GCNT1: variants seen among roughly 807,000 people sequenced by gnomAD.
GCNT1 encodes beta-1,3-galactosyl-O-glycosyl-glycoprotein beta-1,6-N-acetylglucosaminyltransferase.
In GCNT1, 16 loss-of-function variants were observed where a neutral mutation model predicts 26.2. The observed-to-expected ratio is 0.61, with a 90% CI of 0.41 to 0.93. GCNT1 has a LOEUF of 0.93. GCNT1 is among the 40% of genes least tolerant of loss of function. The pLI is 0.00. For missense variants in GCNT1, 477 were observed against 526.7 expected (o/e 0.91, Z 0.92); for synonymous variants, 183 against 190.8 (o/e 0.96, Z 0.34).
chr9:76,419,463 G>A (rs1362320189), upstream of GCNT1, among the ~76,000 whole-genome samples: 2 of 152,064 alleles, frequency 1.3e-5, no homozygotes, highest in African/African-American at 4.8e-5. Flanking sequence ...TGACCCCAGG[G>A]GTTCAAGACC....
upstream of GCNT1, chr9:76,459,070 C>G (rs1587422746): frequency 6.6e-6 from 1 of 152,306 alleles, no homozygotes; most frequent in East Asian, 1.9e-4. Flanking sequence ...AGGCGGGAAC[C>G]GCGAGTCCGC....
chr9:76,426,693 T>C (rs11788095), intron 1 of GCNT1, among the ~76,000 whole-genome samples: 117,511 of 152,092 alleles, frequency 0.77, 46,130 homozygotes, highest in Middle Eastern at 0.86. Context: ...GTCAGGAGTT[T>C]GAGACCAGCC....
chr9:76,503,287 T>A lies in GCNT1; in HGVS notation c.906T>A (p.Asn302Lys). 1 of 1,614,096 alleles carries A rather than the reference T, an allele frequency of 6.2e-7. No homozygotes were observed. Among genetic ancestry groups the A allele is most frequent in the Non-Finnish European group, 8.5e-7 (1 of 1,180,018 alleles). Residue 302 changes from asparagine (N) to lysine (K), a missense_variant, in exon 4 of 4, where the codon AAT becomes AAA. Asn to Lys is a moderately conservative substitution (Grantham distance 94, BLOSUM62 0). Coordinates refer to ENST00000376730, the MANE Select transcript of GCNT1 (RefSeq NM_001490.5). ...AGTATGTGGGGTATGTACTACAGAA[T>A]GAAAAAATCCAAAAGTTGATGGAGT... ...SREYVGYVLQ[N>K]EKIQKLMEWA... is the part of the protein sequence containing the mutation.
chr9:76,494,135 G>A (rs1322288894), intron 2 of GCNT1, among the ~76,000 whole-genome samples: 5 of 151,698 alleles, frequency 3.3e-5, no homozygotes, highest in South Asian at 2.1e-4. Flanking sequence ...TGCACTCACC[G>A]ACACAGCAGC....
Position 76,505,749 on chromosome 9 carries a change from T to C in GCNT1, c.*2081T>C, listed in dbSNP as rs1825220437. 1 of 166,904 alleles carries C rather than the reference T, an allele frequency of 6.0e-6. No individual in the cohort carries two copies. The highest frequency in any genetic ancestry group is 2.4e-5 in the African/African-American group (1 of 41,466). The allele number at this position is 166,904 out of a possible 1,614,324, so 10.3% of individuals were successfully genotyped here. ...ATTGGAAATTAAAATTTTTAAAAAT[T>C]ACAAATATACAAAGTTATTTATCTT... is the stretch of plus-strand genomic sequence containing the variant. On this transcript the variant is annotated 3_prime_UTR_variant, in exon 4 of 4. Coordinates refer to ENST00000376730, the MANE Select transcript of GCNT1 (RefSeq NM_001490.5).
Position 76,504,388 on chromosome 9 carries a change from A to G in GCNT1, c.*720A>G. On this transcript the variant is annotated 3_prime_UTR_variant, in exon 4 of 4. Transcript: ENST00000376730. The stretch of plus-strand genomic sequence containing the variant: ...CAAGGTTAAGACATCTTTTTTAAAA[A>G]AATTATAGCTTCTACCAAGAGAAAC... The G allele has an allele frequency of 5.3e-6, 1 of 188,660 alleles. No individual in the cohort carries two copies. The highest frequency in any genetic ancestry group is 1.5e-4 in the East Asian group (1 of 6,844). The allele number at this position is 188,660 out of a possible 1,614,324, so 11.7% of individuals were successfully genotyped here.
chr9:76,432,680 G>A (rs1163194151), intron 1 of GCNT1, among the ~76,000 whole-genome samples: 1 of 152,146 alleles, frequency 6.6e-6, no homozygotes, highest in African/African-American at 2.4e-5. Context: ...AGCGGTAGGA[G>A]GCAGTCAAAT....
intron 2 of GCNT1, among the ~76,000 whole-genome samples, chr9:76,495,547 GT>G (rs1446321633): frequency 6.6e-6 from 1 of 152,154 alleles, no homozygotes; most frequent in Non-Finnish European, 1.5e-5. Flanking sequence ...CTGCTGATTG[GT>G]CCATTTTACA....
chr9:76,396,087 G>A, the GCNT1 span, among the ~76,000 whole-genome samples: 39 of 152,184 alleles, frequency 2.6e-4, no homozygotes, highest in African/African-American at 8.4e-4. Context: ...AAAGCCTGGA[G>A]GTGAGAACTT....
chr9:76,404,895 G>A, the GCNT1 span, among the ~76,000 whole-genome samples: 1 of 151,346 alleles, frequency 6.6e-6, no homozygotes, highest in Non-Finnish European at 1.5e-5. Flanking sequence ...TCAGCTCACT[G>A]CAATCTCCAC....
At chr9:76,395,040 G>A in the GCNT1 span, among the ~76,000 whole-genome samples, 1 of 152,134 alleles carries the variant, frequency 6.6e-6, no homozygotes, top group Non-Finnish European at 1.5e-5. Context: ...AGAGACTAGT[G>A]GAAGGTTACC....
chr9:76,467,762 G>A (rs1824034575), intron 2 of GCNT1, among the ~76,000 whole-genome samples: 1 of 152,058 alleles, frequency 6.6e-6, no homozygotes, highest in Non-Finnish European at 1.5e-5. Flanking sequence ...CAGAAAACGA[G>A]GTTGAGATTA....
At chr9:76,401,158 TGTAA>T in the GCNT1 span, among the ~76,000 whole-genome samples, 1 of 152,200 alleles carries the variant, frequency 6.6e-6, no homozygotes, top group African/African-American at 2.4e-5. Context: ...GCTGGCTGAG[TGTAA>T]GTGTCTTCAG....
At chr9:76,411,697 C>CTTTTTTTTTTTTT in the GCNT1 span, among the ~76,000 whole-genome samples, 4 of 83,652 alleles carry the variant, frequency 4.8e-5, no homozygotes, top group Non-Finnish European at 6.5e-5. Flanking sequence ...ATCAATTATA[C>CTTTTTTTTTTTTT]TTTTTTTTTT....
chr9:76,436,236 C>T (rs1415075329), intron 1 of GCNT1, among the ~76,000 whole-genome samples: 4 of 151,818 alleles, frequency 2.6e-5, no homozygotes, highest in South Asian at 2.1e-4. Flanking sequence ...ATCTGTGTAA[C>T]AAATTAGGAT....
At chr9:76,472,345 T>G (rs1482338487) in intron 2 of GCNT1, among the ~76,000 whole-genome samples, 1 of 152,184 alleles carries the variant, frequency 6.6e-6, no homozygotes. Context: ...ATGTCAGATG[T>G]CTCTTTTGGG....
At chr9:76,455,961 A>G (rs1823753120), upstream of GCNT1, among the ~76,000 whole-genome samples, 1 of 152,212 alleles carries the variant, frequency 6.6e-6, no homozygotes, top group Non-Finnish European at 1.5e-5. Flanking sequence ...TTTTAAGAAT[A>G]TATTGCTATT....
At chr9:76,499,269 A>G (rs925047673) in intron 2 of GCNT1, among the ~76,000 whole-genome samples, 10 of 152,062 alleles carry the variant, frequency 6.6e-5, no homozygotes, top group Non-Finnish European at 1.5e-4. Flanking sequence ...CTGGGATTAC[A>G]GGCATGCACC....
intron 1 of GCNT1, among the ~76,000 whole-genome samples, chr9:76,436,528 G>T (rs1751388464): frequency 2.1e-5 from 3 of 141,744 alleles, no homozygotes; most frequent in South Asian, 2.3e-4. Flanking sequence ...GGAGGTGAAG[G>T]TTACAGTGAG....
Sources: gnomAD v4.1 joint callset for allele counts (sites outside exome capture counted in the v4.1 genomes callset) on GRCh38, gnomAD v4.1.1 for gene constraint, MANE v1.5 for transcripts, NCBI Gene and HGNC (gene_info 2026-07-23, HGNC 2026-07-21) for gene names.